ITGAE: variants seen among roughly 807,000 people sequenced by gnomAD.
The protein encoded by ITGAE is integrin alpha-E.
In ITGAE, 99 loss-of-function variants were observed where a neutral mutation model predicts 136.5. The observed-to-expected ratio is 0.73, with a 90% CI of 0.62 to 0.86. The LOEUF is 0.86. Among genes scored for constraint, ITGAE ranks in the 40% least tolerant of loss-of-function variants. The probability of loss-of-function intolerance (pLI) is 0.00; values close to 1 mark genes in which losing one functional copy is unlikely to be tolerated. For synonymous variants in ITGAE, 613 were observed against 591.8 expected, an observed-to-expected ratio of 1.04 and a Z score of -0.52; for missense variants, 1,447 against 1,515.3, an observed-to-expected ratio of 0.95 and a Z score of 0.75.
At chr17:3,734,237 ATTT>A (rs34963571) in intron 21 of ITGAE, among the ~76,000 whole-genome samples, 2,262 of 151,582 alleles carry the variant, frequency 0.015, 65 homozygotes, top group African/African-American at 0.051. Flanking sequence ...CGCCCAGCTA[ATTT>A]TTTTTTGTAT....
chr17:3,732,060 A>G (rs1347945828), intron 22 of ITGAE, among the ~76,000 whole-genome samples: 1 of 145,176 alleles, frequency 6.9e-6, no homozygotes, highest in African/African-American at 2.6e-5. Flanking sequence ...TGGGTGACAG[A>G]ATGAAACTCC....
chr17:3,731,849 G>T (rs1231029400), intron 22 of ITGAE, among the ~76,000 whole-genome samples: 3 of 151,182 alleles, frequency 2.0e-5, no homozygotes, highest in Non-Finnish European at 4.4e-5. Context: ...GAGGCAGGTG[G>T]ATCACTTGAG....
rs374349992 is a variant in ITGAE at position 3,784,160 on chromosome 17, T to C, written c.35-6500A>G. Among the ~76,000 whole-genome samples the C allele has an allele frequency of 1.8e-4, 27 of 151,886 alleles. No individual in the cohort carries two copies. The East Asian group carries it at 3.7e-3, about 21-fold the overall frequency. ...CTGTAGTCCCAGCTACTCGGGAGGT[T>C]GAGGCAGGAGAATGGCGTGAACCCG... On this transcript the variant is annotated intron_variant, in intron 1 of 30. Coordinates refer to ENST00000263087, the MANE Select transcript of ITGAE (RefSeq NM_002208.5).
At chr17:3,762,306 C>T (rs1183609) in intron 3 of ITGAE, among the ~76,000 whole-genome samples, 104,383 of 152,072 alleles carry the variant, frequency 0.69, 37,138 homozygotes, top group African/African-American at 0.79. Flanking sequence ...TGGGTTTGGT[C>T]GGGCAGGTGG....
At chr17:3,773,066 C>G (rs190148783) in intron 2 of ITGAE, among the ~76,000 whole-genome samples, 1 of 152,324 alleles carries the variant, frequency 6.6e-6, no homozygotes, top group Non-Finnish European at 1.5e-5. Context: ...TCACCAGCCG[C>G]CGGTTATTTC....
rs151134975 is a variant in ITGAE, at chr17:3,782,340, A to AGTGTGTGTGTGTGTGT, written c.35-4696_35-4681dup. Among the ~76,000 whole-genome samples the AGTGTGTGTGTGTGTGT allele has an allele frequency of 7.8e-4, 86 of 109,616 alleles. 1 individual carries two copies. Among genetic ancestry groups the AGTGTGTGTGTGTGTGT allele is most frequent in the African/African-American group, 2.8e-3 (80 of 28,928 alleles). The allele number at this position is 109,616 out of a possible 152,430, so 71.9% of individuals were successfully genotyped here. A position where few individuals can be genotyped will look rare whatever the true frequency, so the allele number is the denominator to read the frequency against. ...ATGCCACTCCATTGCTTAAATCTCT[A>AGTGTGTGTGTGTGTGT]GTGTGTGTGTGTGTGTGTGTGTGTG... On this transcript the variant is annotated intron_variant, in intron 1 of 30. Coordinates refer to ENST00000263087, the MANE Select transcript of ITGAE (RefSeq NM_002208.5).
chr17:3,727,178 G>A (rs2051232951), intron 26 of ITGAE, among the ~76,000 whole-genome samples: 1 of 152,066 alleles, frequency 6.6e-6, no homozygotes, highest in African/African-American at 2.4e-5. Flanking sequence ...AGGTATCAAG[G>A]CTAGCTTTGG....
At position 3,776,744 on chromosome 17, in the gene ITGAE, T is replaced by TGG. The variant is rs397774339; in HGVS notation, c.155+794_155+795dup. ...AGACAGTTTTTGGTTTTTTTTGAGT[T>TGG]GGGGGGGTCTCACTATGTTGCCCAG... On this transcript the variant is annotated intron_variant, in intron 2 of 30. Coordinates refer to ENST00000263087, the MANE Select transcript of ITGAE (RefSeq NM_002208.5). 6.7e-4 allele frequency among the ~76,000 whole-genome samples: 102 copies of TGG among 151,522 alleles called. 1 individual carries two copies. Among genetic ancestry groups the TGG allele is most frequent in the African/African-American group, 2.0e-3 (83 of 41,286 alleles).
In ITGAE at chr17:3,716,815, G is replaced by C. The variant is rs758386918; in HGVS notation, c.3334-17C>G. The C allele has an allele frequency of 7.3e-6, 10 of 1,378,242 alleles. No homozygotes were observed. The highest frequency in any genetic ancestry group is 1.0e-5 in the Non-Finnish European group (10 of 973,560). 85.4% of individuals were successfully genotyped at this position (1,378,242 alleles called of 1,614,324 possible). On this transcript the variant is annotated splice_polypyrimidine_tract_variant and intron_variant, in intron 29 of 30. Coordinates refer to ENST00000263087, the MANE Select transcript of ITGAE (RefSeq NM_002208.5). ...GACAGTGATCTAGACAAGACAAAGA[G>C]ATCGCCCAATAAATCAGGTGAAGCA...
intron 2 of ITGAE, among the ~76,000 whole-genome samples, chr17:3,771,534 CTTTTTTTTT>C (rs71312930): frequency 8.1e-6 from 1 of 123,256 alleles, no homozygotes; most frequent in Non-Finnish European, 1.7e-5. Flanking sequence ...GCATTTTTCT[CTTTTTTTTT>C]TTTTTTTTTT....
intron 2 of ITGAE, among the ~76,000 whole-genome samples, chr17:3,776,301 G>A (rs1352634541): frequency 7.3e-5 from 11 of 151,514 alleles, no homozygotes; most frequent in South Asian, 2.1e-4. Context: ...CAAATGATCC[G>A]CCCGCCTCGG....
intron 3 of ITGAE, among the ~76,000 whole-genome samples, chr17:3,763,112 C>T (rs543073226): frequency 6.6e-5 from 10 of 152,190 alleles, no homozygotes; most frequent in East Asian, 1.9e-4. Context: ...AGGCTGGTCT[C>T]GAACTCTGGA....
In ITGAE at chr17:3,747,948, C is replaced by T; in HGVS notation, c.2129G>A (p.Ser710Asn). Residue 710 changes from serine (S) to asparagine (N), a missense_variant, in exon 17 of 31, where the codon AGC (serine) becomes AAC (asparagine). Coordinates refer to ENST00000263087, the MANE Select transcript of ITGAE (RefSeq NM_002208.5). The part of the protein sequence containing the change: ...VVNVRLCFEI[S>N]SVTTASESGL... ...TGACTCAGAGGCTGTGGTTACAGAG[C>T]TGATTTCAAAACATAAACGGACATT... is the stretch of plus-strand genomic sequence containing the variant. 1 of 1,604,420 alleles carries T rather than the reference C, an allele frequency of 6.2e-7. No homozygotes were observed. Among genetic ancestry groups the T allele is most frequent in the Non-Finnish European group, 8.5e-7 (1 of 1,173,796 alleles).
At chr17:3,743,831 T>G (rs111779537) in intron 18 of ITGAE, among the ~76,000 whole-genome samples, 2,280 of 149,888 alleles carry the variant, frequency 0.015, 39 homozygotes, top group South Asian at 0.047. Context: ...GCCGCCCGAG[T>G]AGCTGGGATG....
At chr17:3,792,631 C>T (rs903744996) in intron 1 of ITGAE, among the ~76,000 whole-genome samples, 1 of 152,156 alleles carries the variant, frequency 6.6e-6, no homozygotes, top group Non-Finnish European at 1.5e-5. Context: ...TCACGCAGTG[C>T]CAGCACTTTC....
chr17:3,783,753 T>C (rs1009315394), intron 1 of ITGAE, among the ~76,000 whole-genome samples: 1 of 152,190 alleles, frequency 6.6e-6, no homozygotes, highest in South Asian at 2.1e-4. Flanking sequence ...TAAACGACAC[T>C]AGCTTCTGTA....
intron 19 of ITGAE, 36 bp from the exon 20 acceptor site, chr17:3,739,914 T>A: frequency 6.4e-7 from 1 of 1,561,210 alleles, no homozygotes; most frequent in Non-Finnish European, 8.8e-7. Context: ...CAGCCCAGGC[T>A]CCGCCTTCCC....
chr17:3,798,379 C>T lies in ITGAE; in HGVS notation c.34+2732G>A, dbSNP rs2053172790. Among the ~76,000 whole-genome samples the T allele has an allele frequency of 6.6e-6, 1 of 152,116 alleles. No homozygotes were observed. Among genetic ancestry groups the T allele is most frequent in the Admixed American group, 6.5e-5 (1 of 15,278 alleles). On this transcript the variant is annotated intron_variant, in intron 1 of 30. Coordinates refer to ENST00000263087, the MANE Select transcript of ITGAE (RefSeq NM_002208.5). The surrounding 1 kb of genome is among the most constrained non-coding windows in gnomAD (Gnocchi z 4.3). ...GGCGGGGCTGGAAGGGAAAGCAACA[C>T]CAGAGGAGACAATCTCCTGCTCCCA...
rs2051984801 is a variant in ITGAE, at chr17:3,755,121, G to A, written c.1380C>T (p.Tyr460=). The part of the protein sequence containing the change: ...AADAEAAQYS[Y]LGYAVAVLHK... Reference sequence around the variant, plus strand: ...ATCAGGTGGCCCCGCCCTCACCCAGGTAGCTGTACTGCGCAGCCTCCGCGT... The same window carrying A: ...ATCAGGTGGCCCCGCCCTCACCCAGATAGCTGTACTGCGCAGCCTCCGCGT... The change falls in exon 12 of 31, where the codon TAC becomes TAT. Residue 460 remains tyrosine (Y), a synonymous_variant. Coordinates refer to ENST00000263087, the MANE Select transcript of ITGAE (RefSeq NM_002208.5). 1 of 1,215,786 alleles carries A rather than the reference G, an allele frequency of 8.2e-7. No homozygotes were observed. Among genetic ancestry groups the A allele is most frequent in the Non-Finnish European group, 1.1e-6 (1 of 905,518 alleles). The allele number at this position is 1,215,786 out of a possible 1,614,324, so 75.3% of individuals were successfully genotyped here.
Sources: gnomAD v4.1 joint callset for allele counts (sites outside exome capture counted in the v4.1 genomes callset) on GRCh38, gnomAD v4.1.1 for gene constraint, Gnocchi (gnomAD v3.1) non-coding constraint, MANE v1.5 for transcripts, NCBI Gene and HGNC (gene_info 2026-07-23, HGNC 2026-07-21) for gene names.